The following NFKB1 variants were observed in gnomAD, a reference collection of about 807,000 sequenced individuals.
NFKB1 encodes nuclear factor kappa B subunit 1, also known as nuclear factor NF-kappa-B p105 subunit.
In NFKB1, 9 loss-of-function variants were observed where a neutral mutation model predicts 105.1. That is an observed-to-expected ratio of 0.09 (90% CI 0.05 to 0.15). NFKB1 has a LOEUF of 0.15. Ranked by LOEUF, NFKB1 falls within the 10% of genes least tolerant of loss-of-function variation. The pLI, the probability that NFKB1 is intolerant of heterozygous loss-of-function variation, is 1.00. For missense variants in NFKB1, 830 were observed against 1,203.7 expected (o/e 0.69, Z 4.59); for synonymous variants, 440 against 442.2 (o/e 1.00, Z 0.06).
At chr4:102,560,082 A>G (rs1423252933) in intron 5 of NFKB1, among the ~76,000 whole-genome samples, 1 of 152,198 alleles carries the variant, frequency 6.6e-6, no homozygotes, top group Non-Finnish European at 1.5e-5. Context: ...AAGACAGTGC[A>G]TTTATAAATT....
At chr4:102,558,855 A>G (rs565314635) in intron 5 of NFKB1, among the ~76,000 whole-genome samples, 1 of 152,332 alleles carries the variant, frequency 6.6e-6, no homozygotes, top group Non-Finnish European at 1.5e-5. Context: ...GAAGAGAGGC[A>G]GTAATCAAAA....
At chr4:102,586,939 T>C (rs1479566300) in intron 11 of NFKB1, among the ~76,000 whole-genome samples, 1 of 152,252 alleles carries the variant, frequency 6.6e-6, no homozygotes, top group East Asian at 1.9e-4. Context: ...CAGGAGTGTT[T>C]AGAAAACGGT....
chr4:102,613,476 T>C lies in NFKB1; in HGVS notation c.2644T>C (p.Tyr882His). Residue 882 changes from tyrosine to histidine, a missense_variant, in exon 23 of 24, where the codon TAC (tyrosine) becomes CAC (histidine). Physicochemically the swap from Tyr to His is moderately conservative, Grantham distance 83. Transcript: ENST00000226574. ...ELVEALRQMG[Y>H]TEAIEVIQAA... The stretch of plus-strand genomic sequence containing the variant: ...GGTGGAGGCCCTGAGACAAATGGGC[T>C]ACACCGAAGCAATTGAAGTGATCCA... The C allele has an allele frequency of 6.2e-7, 1 of 1,613,960 alleles. No homozygotes were observed. Among genetic ancestry groups the C allele is most frequent in the Non-Finnish European group, 8.5e-7 (1 of 1,180,008 alleles).
In NFKB1 at chr4:102,593,484, G is replaced by A. The variant is rs150233754; in HGVS notation, c.1126G>A (p.Gly376Ser). Reference sequence around the variant, plus strand: ...CATGCCCAATTTTTCGGATAGTTTCGGCGGTGGTAGTGGTGCTGGAGCTGG... The same window carrying A: ...CATGCCCAATTTTTCGGATAGTTTCAGCGGTGGTAGTGGTGCTGGAGCTGG... ...KLMPNFSDSF[G>S]GGSGAGAGGG... is the part of the protein sequence containing the mutation. The change falls in exon 12 of 24, where the codon GGC becomes AGC. Residue 376 changes from glycine to serine, a missense_variant. Transcript: ENST00000226574. 50 of 1,613,594 alleles carry A rather than the reference G, an allele frequency of 3.1e-5. No individual in the cohort carries two copies. The highest frequency in any genetic ancestry group is 2.7e-4 in the African/African-American group (20 of 74,852).
intron 16 of NFKB1, among the ~76,000 whole-genome samples, chr4:102,605,156 T>C (rs762032507): frequency 2.0e-5 from 3 of 152,198 alleles, no homozygotes; most frequent in Non-Finnish European, 4.4e-5. Flanking sequence ...GTAAACACAG[T>C]TTCCATTGAC....
intron 4 of NFKB1, among the ~76,000 whole-genome samples, chr4:102,535,742 A>G (rs1192756312): frequency 6.6e-6 from 1 of 152,200 alleles, no homozygotes; most frequent in African/African-American, 2.4e-5. Flanking sequence ...AGATACTCGT[A>G]TGTAACCATG....
chr4:102,597,373 A>G, intron 14 of NFKB1, 147 bp from the exon 15 acceptor site: 1 of 796,178 alleles, frequency 1.3e-6, no homozygotes, highest in East Asian at 2.8e-5. Context: ...AGTCCACACA[A>G]TCCAAAAGCA....
intron 1 of NFKB1, among the ~76,000 whole-genome samples, chr4:102,517,865 A>G (rs1740308529): frequency 6.6e-6 from 1 of 152,214 alleles, no homozygotes; most frequent in African/African-American, 2.4e-5. Context: ...AGGACATAGT[A>G]GTAGTTGATG....
In NFKB1 at chr4:102,606,642, T is replaced by C. The variant is rs145118935; in HGVS notation, c.1899T>C (p.Ser633=). The change falls in exon 17 of 24, where the codon AGT becomes AGC. Residue 633 remains serine, a synonymous_variant. Coordinates refer to ENST00000226574, the MANE Select transcript of NFKB1 (RefSeq NM_003998.4). ...AAKEGHDKVL[S]ILLKHKKAAL... Reference sequence around the variant, plus strand: ...AAGAAGGACATGATAAAGTTCTCAGTATCTTACTCAAGCACAAAAAGGCAG... The same window carrying C: ...AAGAAGGACATGATAAAGTTCTCAGCATCTTACTCAAGCACAAAAAGGCAG... 4 of 1,614,062 alleles carry C rather than the reference T, an allele frequency of 2.5e-6. No homozygotes were observed. The African/African-American group carries it at 4.0e-5, about 16-fold the overall frequency.
intron 5 of NFKB1, among the ~76,000 whole-genome samples, chr4:102,549,819 A>C (rs1288218212): frequency 6.6e-6 from 1 of 152,070 alleles, no homozygotes; most frequent in Non-Finnish European, 1.5e-5. Context: ...CAAATCCCAC[A>C]TGTAATCCAT....
At chr4:102,583,758 T>C (rs1725491528) in intron 10 of NFKB1, among the ~76,000 whole-genome samples, 1 of 152,168 alleles carries the variant, frequency 6.6e-6, no homozygotes, top group South Asian at 2.1e-4. Context: ...ATTATTCTCC[T>C]ATTTACAAGT....
intron 23 of NFKB1, among the ~76,000 whole-genome samples, chr4:102,614,136 A>C (rs1728711908): frequency 6.6e-6 from 1 of 152,094 alleles, no homozygotes; most frequent in Non-Finnish European, 1.5e-5. Flanking sequence ...TACTCATGCA[A>C]CACCCTTGCT....
At chr4:102,541,740 G>A (rs1314653973) in intron 5 of NFKB1, among the ~76,000 whole-genome samples, 1 of 152,148 alleles carries the variant, frequency 6.6e-6, no homozygotes, top group Admixed American at 6.6e-5. Context: ...TTACAGGAAA[G>A]AAATGATACT....
intron 11 of NFKB1, among the ~76,000 whole-genome samples, chr4:102,590,481 C>T (rs1726078613): frequency 6.6e-6 from 1 of 152,184 alleles, no homozygotes; most frequent in Non-Finnish European, 1.5e-5. Context: ...ACAGCATGTA[C>T]TCACTTTATG....
At chr4:102,568,390 G>A (rs1052234664) in intron 6 of NFKB1, among the ~76,000 whole-genome samples, 7 of 152,210 alleles carry the variant, frequency 4.6e-5, no homozygotes, top group African/African-American at 9.6e-5. Flanking sequence ...AAAGACTGGC[G>A]TGTCTCCTGT....
intron 2 of NFKB1, among the ~76,000 whole-genome samples, chr4:102,526,689 A>G (rs1042776738): frequency 1.3e-5 from 2 of 152,150 alleles, no homozygotes; most frequent in Admixed American, 6.6e-5. Context: ...AAATGCTAGC[A>G]CCACACTAAC....
chr4:102,570,187 G>A lies in NFKB1; in HGVS notation c.407+3052G>A, dbSNP rs138737714. 3.5e-3 allele frequency among the ~76,000 whole-genome samples: 537 copies of A among 152,198 alleles called. 4 individuals carry two copies. The highest frequency in any genetic ancestry group is 0.012 in the African/African-American group (514 of 41,540). On this transcript the variant is annotated intron_variant, in intron 6 of 23. Coordinates refer to ENST00000226574, the MANE Select transcript of NFKB1 (RefSeq NM_003998.4). ...AGCATATACCAACTGGTAAGCACTA[G>A]GAGTAGATATATAAATATCAAAATA...
chr4:102,533,213 T>C (rs1284653621), intron 3 of NFKB1, among the ~76,000 whole-genome samples: 4 of 152,160 alleles, frequency 2.6e-5, no homozygotes, highest in South Asian at 4.1e-4. Flanking sequence ...CCAGATTACA[T>C]TGGGAGTGTC....
intron 22 of NFKB1, among the ~76,000 whole-genome samples, chr4:102,613,198 A>G (rs143364013): frequency 6.6e-6 from 1 of 152,060 alleles, no homozygotes; most frequent in East Asian, 1.9e-4. Context: ...CTCTCTGCTT[A>G]CTACAAACCA....
Sources: allele counts gnomAD v4.1 joint callset (sites outside exome capture counted in the v4.1 genomes callset), GRCh38; gene constraint gnomAD v4.1.1; transcripts MANE v1.5; gene names NCBI Gene and HGNC (gene_info 2026-07-23, HGNC 2026-07-21).